GALNTL6: variants seen among roughly 807,000 people sequenced by gnomAD.
GALNTL6 encodes polypeptide N-acetylgalactosaminyltransferase-like 6.
In GALNTL6, 46 loss-of-function variants were observed where a neutral mutation model predicts 73.7. The ratio of observed to expected loss-of-function variants is 0.62; its 90% confidence interval spans 0.49 to 0.80. The LOEUF (loss-of-function observed/expected upper bound fraction) is 0.80, where lower values mean the gene tolerates loss of function less well. Ranked by LOEUF, GALNTL6 falls within the 30% of genes least tolerant of loss-of-function variation. The pLI is 0.00. For missense variants in GALNTL6, 604 were observed against 755.0 expected (o/e 0.80, Z 2.34); for synonymous variants, 259 against 263.7 (o/e 0.98, Z 0.17).
At chr4:173,017,949 G>C (rs1358910172) in intron 11 of GALNTL6, among the ~76,000 whole-genome samples, 1 of 152,204 alleles carries the variant, frequency 6.6e-6, no homozygotes, top group African/African-American at 2.4e-5. Flanking sequence ...GGACTTTTGA[G>C]GTGTGACAGA....
chr4:172,245,971 A>G (rs924371954), intron 3 of GALNTL6, among the ~76,000 whole-genome samples: 5 of 152,194 alleles, frequency 3.3e-5, no homozygotes, highest in Non-Finnish European at 5.9e-5. Context: ...TCACAAAAAT[A>G]TAACATAGAG....
chr4:172,169,398 A>G (rs1734739409), intron 2 of GALNTL6, among the ~76,000 whole-genome samples: 1 of 152,238 alleles, frequency 6.6e-6, no homozygotes, highest in African/African-American at 2.4e-5. Flanking sequence ...GGTTAATGAT[A>G]GAAGCCTAAT....
intron 7 of GALNTL6, among the ~76,000 whole-genome samples, chr4:172,819,673 C>A (rs1346163035): frequency 6.6e-6 from 1 of 152,154 alleles, no homozygotes; most frequent in Non-Finnish European, 1.5e-5. Flanking sequence ...TATCTTCTAA[C>A]CCATTTAATC....
chr4:172,656,689 T>G (rs541622040), intron 5 of GALNTL6, among the ~76,000 whole-genome samples: 1 of 152,338 alleles, frequency 6.6e-6, no homozygotes, highest in Admixed American at 6.5e-5. Context: ...ATTAATTTCC[T>G]TGTATAAGAG....
intron 9 of GALNTL6, among the ~76,000 whole-genome samples, chr4:172,941,793 G>A (rs1179455951): frequency 6.6e-6 from 1 of 152,174 alleles, no homozygotes; most frequent in African/African-American, 2.4e-5. Context: ...AGACGAGTAG[G>A]GCTGGCCATT....
intron 2 of GALNTL6, among the ~76,000 whole-genome samples, chr4:172,141,335 C>T (rs888538053): frequency 5.9e-5 from 9 of 152,128 alleles, no homozygotes; most frequent in African/African-American, 1.9e-4. Context: ...AAGAATCTCT[C>T]AATCTGTTGA....
chr4:172,966,543 C>T (rs1052291904), intron 10 of GALNTL6, among the ~76,000 whole-genome samples: 7 of 152,058 alleles, frequency 4.6e-5, no homozygotes, highest in Non-Finnish European at 1.0e-4. Context: ...TACAGGCATG[C>T]GCCACCACGC....
At chr4:172,149,426 A>C (rs1228807896) in intron 2 of GALNTL6, among the ~76,000 whole-genome samples, 1 of 152,066 alleles carries the variant, frequency 6.6e-6, no homozygotes, top group African/African-American at 2.4e-5. Flanking sequence ...CCTATGGGAC[A>C]TATCTTCTCT....
chr4:171,898,012 A>G (rs1350289904), intron 2 of GALNTL6, among the ~76,000 whole-genome samples: 1 of 152,020 alleles, frequency 6.6e-6, no homozygotes, highest in Admixed American at 6.6e-5. Flanking sequence ...CGTTTCCAAA[A>G]TATATAAACA....
At chr4:173,018,222 AAATTTCTATT>A (rs1388552940) in intron 11 of GALNTL6, among the ~76,000 whole-genome samples, 2 of 152,242 alleles carry the variant, frequency 1.3e-5, no homozygotes, top group African/African-American at 4.8e-5. Flanking sequence ...ATTCGCCAGG[AAATTTCTATT>A]AATTTCTATT....
chr4:172,328,467 A>C (rs1428082944), intron 4 of GALNTL6, among the ~76,000 whole-genome samples: 1 of 152,216 alleles, frequency 6.6e-6, no homozygotes, highest in East Asian at 1.9e-4. Flanking sequence ...TTCATGAACA[A>C]CATCCTGAAA....
At chr4:172,946,587 T>C (rs573158511) in intron 9 of GALNTL6, among the ~76,000 whole-genome samples, 7 of 152,206 alleles carry the variant, frequency 4.6e-5, no homozygotes, top group Non-Finnish European at 1.0e-4. Context: ...TGACGTGTAT[T>C]AGAATTAAGG....
chr4:172,600,838 TAAC>T (rs1468825572), intron 5 of GALNTL6, among the ~76,000 whole-genome samples: 1 of 151,974 alleles, frequency 6.6e-6, no homozygotes, highest in African/African-American at 2.4e-5. Flanking sequence ...ATACTGGCCA[TAAC>T]AAAAGTTGCT....
intron 10 of GALNTL6, among the ~76,000 whole-genome samples, chr4:172,992,636 T>G (rs969989606): frequency 3.9e-5 from 6 of 152,128 alleles, no homozygotes; most frequent in African/African-American, 1.5e-4. Context: ...CTGCTGCTTT[T>G]AATTTTTTAA....
chr4:172,825,144 T>C (rs1010957532), intron 7 of GALNTL6, among the ~76,000 whole-genome samples: 2 of 150,960 alleles, frequency 1.3e-5, no homozygotes, highest in Non-Finnish European at 2.9e-5. Flanking sequence ...CTTTCTTTCC[T>C]TTTTGGTCTA....
chr4:172,253,508 C>A (rs948550294), intron 3 of GALNTL6, among the ~76,000 whole-genome samples: 14 of 151,928 alleles, frequency 9.2e-5, no homozygotes, highest in African/African-American at 3.1e-4. Flanking sequence ...CAATGACAAT[C>A]ATTTAGACAA....
intron 5 of GALNTL6, among the ~76,000 whole-genome samples, chr4:172,365,398 A>G (rs774769765): frequency 2.0e-4 from 30 of 152,270 alleles, no homozygotes; most frequent in Non-Finnish European, 4.4e-4. Context: ...GACATTAGCC[A>G]TTAGGCTGAT....
chr4:172,389,313 A>G (rs1743581232), intron 5 of GALNTL6, among the ~76,000 whole-genome samples: 2 of 152,174 alleles, frequency 1.3e-5, no homozygotes, highest in South Asian at 4.1e-4. Context: ...AAAAAGAAAG[A>G]TATAATTAAA....
chr4:172,450,228 A>AAC (rs1732162824), intron 5 of GALNTL6, among the ~76,000 whole-genome samples: 2 of 150,520 alleles, frequency 1.3e-5, no homozygotes, highest in African/African-American at 4.9e-5. Context: ...AAAAAAAAAA[A>AAC]AACAAACAAA....
Sources: gnomAD v4.1 joint callset for allele counts (sites outside exome capture counted in the v4.1 genomes callset) on GRCh38, gnomAD v4.1.1 for gene constraint, MANE v1.5 for transcripts, NCBI Gene and HGNC (gene_info 2026-07-23, HGNC 2026-07-21) for gene names.